The following RBFOX1 variants were observed in gnomAD, a reference collection of about 807,000 sequenced individuals.
RBFOX1 encodes the protein RNA binding fox-1 homolog 1.
In RBFOX1, 8 loss-of-function variants were observed where a neutral mutation model predicts 57.7. The ratio of observed to expected loss-of-function variants is 0.14; its 90% CI spans 0.08 to 0.25. RBFOX1 has a LOEUF of 0.25. Among genes scored for constraint, RBFOX1 ranks in the 10% least tolerant of loss-of-function variants. The pLI is 1.00. For missense variants in RBFOX1, 611 were observed against 548.5 expected (o/e 1.11, Z -1.14); for synonymous variants, 326 against 222.4 (o/e 1.47, Z -4.15).
intron 2 of RBFOX1, among the ~76,000 whole-genome samples, chr16:6,395,106 A>G (rs1272100408): frequency 6.6e-6 from 1 of 152,214 alleles, no homozygotes; most frequent in Non-Finnish European, 1.5e-5. Context: ...TGACCATGTC[A>G]CTGTCACCGA....
chr16:6,527,458 C>A (rs1275431623), intron 2 of RBFOX1, among the ~76,000 whole-genome samples: 1 of 152,152 alleles, frequency 6.6e-6, no homozygotes, highest in Admixed American at 6.5e-5. Context: ...TGTTGCCAGC[C>A]TGTGAAACAC....
At chr16:6,248,372 C>T (rs999744971) in intron 1 of RBFOX1, among the ~76,000 whole-genome samples, 5 of 152,044 alleles carry the variant, frequency 3.3e-5, no homozygotes, top group African/African-American at 7.2e-5. Flanking sequence ...GCCTGTCTCC[C>T]GGTGATGTAT....
chr16:7,545,850 C>G (rs181359299), intron 5 of RBFOX1, among the ~76,000 whole-genome samples: 5 of 152,108 alleles, frequency 3.3e-5, no homozygotes, highest in African/African-American at 1.2e-4. Context: ...CTCAGAGCCT[C>G]TGTCTCTGCA....
intron 3 of RBFOX1, among the ~76,000 whole-genome samples, chr16:6,902,039 T>C (rs56321071): frequency 0.21 from 31,254 of 152,154 alleles, 3,377 homozygotes; most frequent in East Asian, 0.28. Context: ...GGTTGCACTT[T>C]ACCTGACATA....
chr16:6,841,034 G>A (rs992843207), intron 3 of RBFOX1, among the ~76,000 whole-genome samples: 2 of 152,108 alleles, frequency 1.3e-5, no homozygotes, highest in Non-Finnish European at 1.5e-5. Context: ...CCAGAATTGG[G>A]AGAAATAAAC....
At chr16:6,836,327 G>C (rs1567480917) in intron 3 of RBFOX1, among the ~76,000 whole-genome samples, 1 of 152,188 alleles carries the variant, frequency 6.6e-6, no homozygotes. Flanking sequence ...TTACTCCAAA[G>C]AAAGAAAACT....
chr16:7,265,828 A>T (rs2095108248), intron 4 of RBFOX1, among the ~76,000 whole-genome samples: 1 of 152,118 alleles, frequency 6.6e-6, no homozygotes, highest in Non-Finnish European at 1.5e-5. Context: ...TCCCCACTCA[A>T]ATCTCATGTT....
chr16:6,668,716 T>C (rs887597715), intron 3 of RBFOX1, among the ~76,000 whole-genome samples: 2 of 152,212 alleles, frequency 1.3e-5, no homozygotes, highest in Admixed American at 1.3e-4. Flanking sequence ...TGTCATCTCT[T>C]TGAAATTTTG....
At chr16:5,449,280 T>C (rs1221565077) in intron 1 of RBFOX1, among the ~76,000 whole-genome samples, 5 of 152,204 alleles carry the variant, frequency 3.3e-5, no homozygotes, top group African/African-American at 1.2e-4. Context: ...CTGCTTTCCC[T>C]AATGACGCCT....
intron 4 of RBFOX1, among the ~76,000 whole-genome samples, chr16:5,996,717 T>G (rs1314262547): frequency 6.6e-6 from 1 of 152,024 alleles, no homozygotes; most frequent in African/African-American, 2.4e-5. Context: ...ACTGTGGGAT[T>G]TAACTGACGG....
chr16:5,774,305 A>G (rs1389980016), intron 3 of RBFOX1, among the ~76,000 whole-genome samples: 1 of 152,214 alleles, frequency 6.6e-6, no homozygotes, highest in Non-Finnish European at 1.5e-5. Context: ...GATTAATAAC[A>G]CACTGGCTTC....
At chr16:7,215,439 C>G (rs2091877731) in intron 4 of RBFOX1, among the ~76,000 whole-genome samples, 2 of 152,234 alleles carry the variant, frequency 1.3e-5, no homozygotes, top group South Asian at 2.1e-4. Context: ...CAATGATAGA[C>G]TGGATAAGGA....
chr16:5,455,392 C>G (rs929285711), intron 1 of RBFOX1, among the ~76,000 whole-genome samples: 1 of 152,098 alleles, frequency 6.6e-6, no homozygotes, highest in African/African-American at 2.4e-5. Context: ...ATGCCATACT[C>G]TGCTGGTTGA....
chr16:6,882,500 A>T (rs571836642), intron 3 of RBFOX1, among the ~76,000 whole-genome samples: 83 of 152,238 alleles, frequency 5.5e-4, no homozygotes, highest in Middle Eastern at 3.4e-3. Context: ...AGGGTGAGGC[A>T]GGAGAATCAC....
chr16:6,883,704 A>G (rs1026563134), intron 3 of RBFOX1, among the ~76,000 whole-genome samples: 2 of 152,160 alleles, frequency 1.3e-5, no homozygotes, highest in African/African-American at 4.8e-5. Flanking sequence ...CAAATATGAG[A>G]TAAAATAGTT....
At chr16:5,794,715 T>C (rs1190997228) in intron 3 of RBFOX1, among the ~76,000 whole-genome samples, 1 of 152,140 alleles carries the variant, frequency 6.6e-6, no homozygotes, top group Non-Finnish European at 1.5e-5. Context: ...CTTAAGAAAC[T>C]TACAAATAAA....
At chr16:6,068,243 A>G (rs2095792391) in intron 1 of RBFOX1, among the ~76,000 whole-genome samples, 1 of 152,192 alleles carries the variant, frequency 6.6e-6, no homozygotes, top group Non-Finnish European at 1.5e-5. Context: ...CAGCTTGGGA[A>G]ATGCGTCTTC....
intron 2 of RBFOX1, among the ~76,000 whole-genome samples, chr16:5,597,829 G>A (rs1415978238): frequency 6.6e-6 from 1 of 152,150 alleles, no homozygotes; most frequent in Admixed American, 6.6e-5. Flanking sequence ...ACATCCCAGT[G>A]TTTGCAGTAG....
chr16:6,745,229 G>C (rs2073291978), intron 3 of RBFOX1, among the ~76,000 whole-genome samples: 1 of 151,980 alleles, frequency 6.6e-6, no homozygotes, highest in Admixed American at 6.6e-5. Context: ...AGATGACTTT[G>C]TTAATAAACT....
Sources: gnomAD v4.1 joint callset for allele counts (sites outside exome capture counted in the v4.1 genomes callset) on GRCh38, gnomAD v4.1.1 for gene constraint, MANE v1.5 for transcripts, NCBI Gene and HGNC (gene_info 2026-07-23, HGNC 2026-07-21) for gene names.